The following TRMT10B variants were observed in gnomAD, a reference collection of about 807,000 sequenced individuals.
TRMT10B encodes tRNA methyltransferase 10 homolog B.
A neutral mutation model predicts 43.8 loss-of-function variants in TRMT10B; 33 were observed. That is an observed-to-expected ratio of 0.75 (90% CI 0.57 to 1.01). The LOEUF is 1.01. Ranked by LOEUF, TRMT10B falls within the 50% of genes least tolerant of loss-of-function variation. TRMT10B has a pLI of 0.00. For missense variants in TRMT10B, 362 were observed against 369.8 expected, an observed-to-expected ratio of 0.98 and a Z score of 0.17; for synonymous variants, 137 against 130.6, an observed-to-expected ratio of 1.05 and a Z score of -0.34.
At chr9:37,766,132 T>G (rs1281094613) in intron 4 of TRMT10B, among the ~76,000 whole-genome samples, 2 of 152,200 alleles carry the variant, frequency 1.3e-5, no homozygotes, top group African/African-American at 4.8e-5. Flanking sequence ...CTTTTGGTGT[T>G]TTAGACATGA....
chr9:37,767,821 T>C (rs1489107184), intron 4 of TRMT10B, among the ~76,000 whole-genome samples: 1 of 152,174 alleles, frequency 6.6e-6, no homozygotes, highest in Non-Finnish European at 1.5e-5. Context: ...AAGAATTTCA[T>C]ATATTAAACA....
chr9:37,762,593 A>ACT lies in TRMT10B; in HGVS notation c.203_204insCT (p.Lys68AsnfsTer9), dbSNP rs1563990217. ...TAATATAAGAAAAATGTCCAGAGAA[A>ACT]ACAGAGACACTGGGAAAAGATAGTT... On this transcript the variant is annotated frameshift_variant, in exon 3 of 9. Coordinates refer to ENST00000297994, the MANE Select transcript of TRMT10B (RefSeq NM_144964.4). LOFTEE classifies it high-confidence loss of function. 6.3e-7 allele frequency: 1 copy of ACT among 1,593,162 alleles called. No homozygotes were observed. The highest frequency in any genetic ancestry group is 8.6e-7 in the Non-Finnish European group (1 of 1,169,194).
intron 1 of TRMT10B, among the ~76,000 whole-genome samples, 189 bp from the exon 2 acceptor site, chr9:37,761,714 T>C (rs1048564094): frequency 1.3e-5 from 2 of 152,216 alleles, no homozygotes; most frequent in African/African-American, 4.8e-5. Context: ...CAAAACTTCC[T>C]TACTACTGAA....
chr9:37,753,192 C>T (rs909717130), upstream of TRMT10B, among the ~76,000 whole-genome samples: 3 of 152,222 alleles, frequency 2.0e-5, no homozygotes, highest in Non-Finnish European at 2.9e-5. Context: ...AAACTCCAGA[C>T]ACGCAGTCTT....
upstream of TRMT10B, chr9:37,753,727 C>G (rs7861704): frequency 1 from 151,830 of 152,460 alleles, 75,607 homozygotes; most frequent in Middle Eastern, 1. Flanking sequence ...CCCACGAGCA[C>G]CCTGCAGGTG....
chr9:37,775,784 G>A (rs1193203554), intron 7 of TRMT10B, among the ~76,000 whole-genome samples: 1 of 152,096 alleles, frequency 6.6e-6, no homozygotes, highest in Non-Finnish European at 1.5e-5. Flanking sequence ...CAGTCCTCTG[G>A]CCTTGGCCTC....
Position 37,762,074 on chromosome 9 carries a change from A to G in TRMT10B, c.143A>G (p.Gln48Arg), listed in dbSNP as rs1361087943. The G allele has an allele frequency of 6.2e-7, 1 of 1,614,110 alleles. No individual in the cohort carries two copies. Among genetic ancestry groups the G allele is most frequent in the Admixed American group, 1.7e-5 (1 of 60,020 alleles). The part of the protein sequence containing the change: ...LLQIDAEGEC[Q>R]EGEILATGST... The stretch of plus-strand genomic sequence containing the variant: ...CAGATCGATGCGGAAGGCGAGTGCC[A>G]GGAGGGAGAGATCCTGGCCACAGGC... The change falls in exon 2 of 9, where the codon CAG (glutamine) becomes CGG (arginine). Residue 48 changes from glutamine to arginine, a missense_variant. Transcript: ENST00000297994.
chr9:37,765,165 G>GGT (rs1253964930), intron 4 of TRMT10B, among the ~76,000 whole-genome samples: 1 of 152,108 alleles, frequency 6.6e-6, no homozygotes, highest in African/African-American at 2.4e-5. Flanking sequence ...TTGTTACATA[G>GGT]GTATACGTGT....
intron 1 of TRMT10B, among the ~76,000 whole-genome samples, chr9:37,755,863 A>G (rs1226364253): frequency 1.3e-5 from 2 of 151,736 alleles, no homozygotes; most frequent in African/African-American, 4.8e-5. Flanking sequence ...TCAAGGTTCT[A>G]TACTGTGAAC....
At chr9:37,775,781 C>A (rs375836931) in intron 7 of TRMT10B, among the ~76,000 whole-genome samples, 1 of 152,200 alleles carries the variant, frequency 6.6e-6, no homozygotes, top group East Asian at 1.9e-4. Flanking sequence ...AAGCAGTCCT[C>A]TGGCCTTGGC....
At chr9:37,772,607 T>C (rs1827708147) in intron 7 of TRMT10B, among the ~76,000 whole-genome samples, 1 of 152,138 alleles carries the variant, frequency 6.6e-6, no homozygotes, top group Non-Finnish European at 1.5e-5. Flanking sequence ...AATTTAATTG[T>C]GAGGAAACAG....
At chr9:37,768,000 T>G in intron 4 of TRMT10B, 76 bp from the exon 5 acceptor site, 3 of 1,553,744 alleles carry the variant, frequency 1.9e-6, no homozygotes, top group Non-Finnish European at 2.6e-6. Context: ...AGTGAACTTA[T>G]TGTAGCCATT....
At chr9:37,774,504 A>G (rs907908412) in intron 7 of TRMT10B, among the ~76,000 whole-genome samples, 13 of 152,224 alleles carry the variant, frequency 8.5e-5, no homozygotes, top group African/African-American at 3.1e-4. Context: ...CATTTCTTCA[A>G]GGAGAGTCAT....
chr9:37,770,070 T>A (rs759060737), intron 6 of TRMT10B, 51 bp downstream of exon 6: 2 of 1,499,524 alleles, frequency 1.3e-6, no homozygotes, highest in Admixed American at 3.3e-5. Context: ...CTGTGTTTCA[T>A]TATTCCCTGT....
intron 6 of TRMT10B, among the ~76,000 whole-genome samples, 170 bp downstream of exon 6, chr9:37,770,189 C>T (rs35437073): frequency 0.022 from 3,392 of 152,268 alleles, 121 homozygotes; most frequent in African/African-American, 0.077. Context: ...CTGGATGCTT[C>T]GATGTGTCTT....
chr9:37,757,352 A>C (rs1825837311), intron 1 of TRMT10B, among the ~76,000 whole-genome samples: 1 of 152,214 alleles, frequency 6.6e-6, no homozygotes, highest in Non-Finnish European at 1.5e-5. Flanking sequence ...CTGCGATTAC[A>C]GGCATGAGCT....
At chr9:37,753,288 T>TC (rs1199373958), upstream of TRMT10B, among the ~76,000 whole-genome samples, 1 of 152,204 alleles carries the variant, frequency 6.6e-6, no homozygotes, top group Admixed American at 6.5e-5. Context: ...CACAATATGA[T>TC]ATCAGGTTGG....
chr9:37,769,136 C>T (rs868526516), intron 5 of TRMT10B, among the ~76,000 whole-genome samples: 6 of 151,542 alleles, frequency 4.0e-5, no homozygotes, highest in African/African-American at 1.5e-4. Context: ...GGTGAAACCC[C>T]GTCCCTACTA....
At chr9:37,756,302 A>G (rs560846866) in intron 1 of TRMT10B, among the ~76,000 whole-genome samples, 157 of 152,198 alleles carry the variant, frequency 1.0e-3, no homozygotes, top group African/African-American at 2.7e-3. Context: ...TTCATTTGTT[A>G]TTTTCTGAAT....
Sources: gnomAD v4.1 joint callset for allele counts (sites outside exome capture counted in the v4.1 genomes callset) on GRCh38, gnomAD v4.1.1 for gene constraint, MANE v1.5 for transcripts, NCBI Gene and HGNC (gene_info 2026-07-23, HGNC 2026-07-21) for gene names.